Variants in ANO3 observed in about 807,000 individuals in gnomAD.
ANO3 encodes the protein anoctamin 3.
A neutral mutation model predicts 144.8 loss-of-function variants in ANO3; 99 were observed. That is an observed-to-expected ratio of 0.68 (90% confidence interval 0.58 to 0.81). The LOEUF is 0.81. ANO3 is among the 30% of genes least tolerant of loss of function. The pLI, the probability that ANO3 is intolerant of heterozygous loss-of-function variation, is 0.00. For missense variants in ANO3, 905 were observed against 1,202.2 expected, an observed-to-expected ratio of 0.75 and a Z score of 3.66; for synonymous variants, 414 against 392.6, an observed-to-expected ratio of 1.05 and a Z score of -0.64.
intron 20 of ANO3, among the ~76,000 whole-genome samples, chr11:26,635,417 G>C (rs1226231874): frequency 6.6e-6 from 1 of 151,786 alleles, no homozygotes; most frequent in East Asian, 1.9e-4. Context: ...TAGTCCAAAA[G>C]ACATCATACT....
At chr11:26,364,786 T>C (rs1856019240) in intron 1 of ANO3, among the ~76,000 whole-genome samples, 1 of 152,174 alleles carries the variant, frequency 6.6e-6, no homozygotes, top group Admixed American at 6.5e-5. Context: ...CTCTAGTACT[T>C]GGGATTGCAA....
intron 1 of ANO3, among the ~76,000 whole-genome samples, chr11:26,235,701 CATT>C (rs1426872065): frequency 6.6e-6 from 1 of 150,994 alleles, no homozygotes; most frequent in Admixed American, 6.6e-5. Flanking sequence ...TTTTCACCAT[CATT>C]GTGATTACAT....
chr11:26,463,143 T>C lies in ANO3; in HGVS notation c.427T>C (p.Ser143Pro). The C allele has an allele frequency of 6.7e-7, 1 of 1,503,686 alleles. No homozygotes were observed. Among genetic ancestry groups the C allele is most frequent in the Non-Finnish European group, 9.1e-7 (1 of 1,093,504 alleles). The allele number at this position is 1,503,686 out of a possible 1,614,324, so 93.1% of individuals were successfully genotyped here. Residue 143 changes from serine to proline, a missense_variant, in exon 4 of 27, where the codon TCT becomes CCT. By Grantham distance (74) the Ser-to-Pro change is moderately conservative. Coordinates refer to ENST00000256737, the MANE Select transcript of ANO3 (RefSeq NM_031418.4). Reference protein sequence around the residue: ...KDKSEFKTKLSKNDMNYIASS... With the variant: ...KDKSEFKTKLPKNDMNYIASS... Reference sequence around the variant, plus strand: ...TAAATCTGAATTCAAGACAAAATTATCTAAGGTAATGAGAACTAAATTATC... The same window carrying C: ...TAAATCTGAATTCAAGACAAAATTACCTAAGGTAATGAGAACTAAATTATC...
intron 11 of ANO3, among the ~76,000 whole-genome samples, chr11:26,545,008 A>G (rs1849750870): frequency 6.6e-6 from 1 of 152,030 alleles, no homozygotes; most frequent in South Asian, 2.1e-4. Context: ...CTTAACTTGT[A>G]TTACCAAAAT....
At chr11:26,356,730 A>C (rs1247118411) in intron 1 of ANO3, among the ~76,000 whole-genome samples, 1 of 152,216 alleles carries the variant, frequency 6.6e-6, no homozygotes, top group African/African-American at 2.4e-5. Flanking sequence ...GGTTAAAGTC[A>C]AATTGTTGCT....
intron 4 of ANO3, among the ~76,000 whole-genome samples, chr11:26,492,713 T>C (rs1034656545): frequency 1.3e-5 from 2 of 152,172 alleles, no homozygotes; most frequent in Admixed American, 1.3e-4. Context: ...TGTTCAGTGT[T>C]TTTCACCTAT....
At chr11:26,409,688 C>A (rs1857381714) in intron 1 of ANO3, among the ~76,000 whole-genome samples, 1 of 151,948 alleles carries the variant, frequency 6.6e-6, no homozygotes, top group South Asian at 2.1e-4. Context: ...TGAGTATCAT[C>A]TACTTTTTTC....
At chr11:26,423,281 T>C (rs868297377) in intron 1 of ANO3, among the ~76,000 whole-genome samples, 1 of 150,176 alleles carries the variant, frequency 6.7e-6, no homozygotes, top group Non-Finnish European at 1.5e-5. Context: ...TGTGGGTGGT[T>C]TTATAATACC....
intron 24 of ANO3, among the ~76,000 whole-genome samples, chr11:26,651,860 AATAT>A (rs1343483622): frequency 6.6e-6 from 1 of 152,162 alleles, no homozygotes; most frequent in Non-Finnish European, 1.5e-5. Flanking sequence ...ATGGAGATAA[AATAT>A]ATATGTTTTA....
rs1477415791 is a variant in ANO3, at chr11:26,639,253, A to G, written c.2141+12A>G. ...GAACTAGGATACCCGTGAGCACATT[A>G]TTTTCAAACTTGCCTTATGTCTAGT... On this transcript the variant is annotated intron_variant, in intron 21 of 26. Coordinates refer to ENST00000256737, the MANE Select transcript of ANO3 (RefSeq NM_031418.4). The G allele has an allele frequency of 7.5e-6, 12 of 1,601,574 alleles. No individual in the cohort carries two copies. The highest frequency in any genetic ancestry group is 1.0e-5 in the Non-Finnish European group (12 of 1,169,042).
chr11:26,482,807 G>A (rs1253614406), intron 4 of ANO3, among the ~76,000 whole-genome samples: 2 of 152,022 alleles, frequency 1.3e-5, no homozygotes, highest in Admixed American at 6.6e-5. Flanking sequence ...ATACTCATGT[G>A]TACGAGTTAT....
At chr11:26,455,713 A>G (rs1354796597) in intron 3 of ANO3, among the ~76,000 whole-genome samples, 2 of 97,606 alleles carry the variant, frequency 2.0e-5, no homozygotes, top group South Asian at 3.7e-4. Flanking sequence ...ACAGAATTGG[A>G]AAAAAACTAC....
At chr11:26,448,106 C>A (rs1858772274) in intron 3 of ANO3, among the ~76,000 whole-genome samples, 1 of 151,954 alleles carries the variant, frequency 6.6e-6, no homozygotes, top group Non-Finnish European at 1.5e-5. Context: ...TCGAGACCAG[C>A]CTGACCAACA....
At chr11:26,243,526 A>T (rs1273846984) in intron 1 of ANO3, among the ~76,000 whole-genome samples, 1 of 152,184 alleles carries the variant, frequency 6.6e-6, no homozygotes, top group African/African-American at 2.4e-5. Flanking sequence ...TTGCTTAGAT[A>T]AAAGATTCAC....
At position 26,193,419 on chromosome 11, in the gene ANO3, C is replaced by T. The variant is rs981927609; in HGVS notation, c.154+4089C>T. ...CCTCCCAAAGTGCTGGGATTACAGG[C>T]GTCAGCCACCACACCTGGCCCAATT... On this transcript the variant is annotated intron_variant, in intron 1 of 27. Coordinates refer to the ANO3 transcript ENST00000672621. Among the ~76,000 whole-genome samples, 100 of 152,170 alleles carry T rather than the reference C, an allele frequency of 6.6e-4. 1 individual carries two copies. The highest frequency in any genetic ancestry group is 3.7e-4 in the Non-Finnish European group (25 of 67,982).
chr11:26,250,393 A>T (rs1590216059), intron 1 of ANO3, among the ~76,000 whole-genome samples: 1 of 152,210 alleles, frequency 6.6e-6, no homozygotes, highest in African/African-American at 2.4e-5. Flanking sequence ...GCTGAAGAGG[A>T]CCACAACAGT....
chr11:26,608,684 G>A (rs927812566), intron 17 of ANO3, among the ~76,000 whole-genome samples: 1 of 152,246 alleles, frequency 6.6e-6, no homozygotes, highest in African/African-American at 2.4e-5. Flanking sequence ...CCAGTGAGGA[G>A]GGATGGGTCA....
chr11:26,560,238 CCTAT>C (rs1366886837), intron 14 of ANO3: 1 of 153,684 alleles, frequency 6.5e-6, no homozygotes, highest in Non-Finnish European at 1.4e-5. Context: ...AAATCCAGTT[CCTAT>C]CTAACAACTT....
intron 24 of ANO3, among the ~76,000 whole-genome samples, chr11:26,648,164 G>A (rs989442180): frequency 6.6e-6 from 1 of 151,842 alleles, no homozygotes; most frequent in Non-Finnish European, 1.5e-5. Flanking sequence ...CATCTAGATG[G>A]TAAGAAGAAT....
Sources: gnomAD v4.1 joint callset for allele counts (sites outside exome capture counted in the v4.1 genomes callset) on GRCh38, gnomAD v4.1.1 for gene constraint, MANE v1.5 for transcripts, NCBI Gene and HGNC (gene_info 2026-07-23, HGNC 2026-07-21) for gene names.